Variants in RBM25 observed in about 807,000 individuals in gnomAD.
RBM25 encodes RNA-binding protein 25.
Under a neutral mutation model 120.7 loss-of-function variants are expected in RBM25, and 19 were observed. The observed-to-expected ratio is 0.16, with a 90% CI of 0.11 to 0.23. The LOEUF (loss-of-function observed/expected upper bound fraction) is 0.23. Among genes scored for constraint, RBM25 ranks in the 10% least tolerant of loss-of-function variants. The probability of loss-of-function intolerance (pLI) is 1.00; values close to 1 mark genes in which losing one functional copy is unlikely to be tolerated. For missense variants in RBM25, 605 were observed against 1,041.5 expected (o/e 0.58, Z 5.77); for synonymous variants, 390 against 326.7 (o/e 1.19, Z -2.09).
At position 73,093,152 on chromosome 14, in the gene RBM25, A is replaced by T. The variant is rs1388019783; in HGVS notation, c.544-3763A>T. ...ACCATATATTCAAGAATGAACACTG[A>T]CAAGTGCTGGAAAAACAGTTATTCT... On this transcript the variant is annotated intron_variant, in intron 6 of 18. Coordinates refer to ENST00000261973, the MANE Select transcript of RBM25 (RefSeq NM_021239.3). 7.2e-5 allele frequency among the ~76,000 whole-genome samples: 11 copies of T among 152,332 alleles called. No individual in the cohort carries two copies. In the East Asian group the frequency reaches 2.1e-3, roughly 29 times the overall value.
intron 6 of RBM25, among the ~76,000 whole-genome samples, chr14:73,093,553 C>T (rs895214121): frequency 2.6e-5 from 4 of 152,186 alleles, no homozygotes; most frequent in Admixed American, 2.0e-4. Context: ...GTCGCCCAGG[C>T]TGGAGTGCAA....
intron 4 of RBM25, among the ~76,000 whole-genome samples, chr14:73,082,864 A>G (rs1895594656): frequency 6.6e-6 from 1 of 151,682 alleles, no homozygotes; most frequent in Non-Finnish European, 1.5e-5. Context: ...GTTCAAGACC[A>G]GCCTGGCTAA....
At chr14:73,086,446 A>AC (rs1566589478) in intron 5 of RBM25, among the ~76,000 whole-genome samples, 2 of 151,866 alleles carry the variant, frequency 1.3e-5, no homozygotes, top group African/African-American at 4.8e-5. Flanking sequence ...AAAAAAAAAA[A>AC]AAAACAAAAC....
chr14:73,117,043 C>T (rs1896443506), intron 18 of RBM25, among the ~76,000 whole-genome samples: 1 of 151,878 alleles, frequency 6.6e-6, no homozygotes, highest in Non-Finnish European at 1.5e-5. Context: ...CATTTTGTGC[C>T]TACATCTCTC....
chr14:73,105,692 T>C (rs1373071920), intron 10 of RBM25, among the ~76,000 whole-genome samples, 167 bp from the exon 11 acceptor site: 1 of 152,218 alleles, frequency 6.6e-6, no homozygotes, highest in Admixed American at 6.5e-5. Flanking sequence ...GCAATTTATG[T>C]CTTTCTGATG....
In RBM25 at chr14:73,112,211, T is replaced by G. The variant is rs749552223; in HGVS notation, c.2352T>G (p.Gly784=). The G allele has an allele frequency of 6.8e-6, 11 of 1,607,054 alleles. No homozygotes were observed. The highest frequency in any genetic ancestry group is 9.3e-6 in the Non-Finnish European group (11 of 1,178,332). ...ATAAGAAAATCATAGAATATATAGG[T>G]GAAGAAGAAGCTACATTAGTTGATT... ...WINKKIIEYI[G]EEEATLVDFV... The change falls in exon 17 of 19, where the codon GGT becomes GGG. Residue 784 remains glycine (G), a synonymous_variant. Coordinates refer to ENST00000261973, the MANE Select transcript of RBM25 (RefSeq NM_021239.3).
At chr14:73,105,189 G>A (rs1896158266) in intron 10 of RBM25, among the ~76,000 whole-genome samples, 1 of 142,122 alleles carries the variant, frequency 7.0e-6, no homozygotes, top group South Asian at 2.2e-4. Flanking sequence ...GTCACTGTAA[G>A]CTCCAAGTCC....
intron 18 of RBM25, among the ~76,000 whole-genome samples, chr14:73,116,886 TA>T (rs1475293734): frequency 2.0e-5 from 3 of 152,216 alleles, no homozygotes; most frequent in Non-Finnish European, 4.4e-5. Context: ...ACAGCTCTGC[TA>T]AAAAGCTCAT....
intron 1 of RBM25, among the ~76,000 whole-genome samples, chr14:73,070,709 G>A (rs986744612): frequency 1.3e-5 from 2 of 152,126 alleles, no homozygotes; most frequent in Admixed American, 6.6e-5. Context: ...AGCGCTTTGG[G>A]AAGCTGAGTC....
intron 11 of RBM25, 40 bp downstream of exon 11, chr14:73,106,121 C>T: frequency 6.3e-7 from 1 of 1,592,080 alleles, no homozygotes; most frequent in African/African-American, 1.4e-5. Flanking sequence ...ATCTTGGTAT[C>T]CCTTAATAGG....
intron 17 of RBM25, among the ~76,000 whole-genome samples, chr14:73,113,898 A>C (rs1189971171): frequency 6.6e-6 from 1 of 152,198 alleles, no homozygotes; most frequent in East Asian, 1.9e-4. Context: ...CTGAAAACAT[A>C]GTCTTAACTT....
At chr14:73,080,638 T>G (rs1490486629) in intron 4 of RBM25, among the ~76,000 whole-genome samples, 1 of 152,192 alleles carries the variant, frequency 6.6e-6, no homozygotes, top group East Asian at 1.9e-4. Flanking sequence ...TTTGATATTA[T>G]CTGTTGACAT....
At chr14:73,098,632 C>A (rs1485200337) in intron 7 of RBM25, among the ~76,000 whole-genome samples, 1 of 151,938 alleles carries the variant, frequency 6.6e-6, no homozygotes, top group African/African-American at 2.4e-5. Context: ...TAGAACTTTT[C>A]TTTTTTGTTC....
rs561410224 is a variant in RBM25 at position 73,094,696 on chromosome 14, T to G, written c.544-2219T>G. On this transcript the variant is annotated intron_variant, in intron 6 of 18. Coordinates refer to ENST00000261973, the MANE Select transcript of RBM25 (RefSeq NM_021239.3). ...GCCGCTGCACGCGGCTGGGGAATTTTTGTATTTTTTTAGTAGAGACGGGGT... is the reference window on the plus strand; with the variant it reads ...GCCGCTGCACGCGGCTGGGGAATTTGTGTATTTTTTTAGTAGAGACGGGGT... Among the ~76,000 whole-genome samples, 56 of 152,278 alleles carry G rather than the reference T, an allele frequency of 3.7e-4. 1 individual carries two copies. In the South Asian group the frequency reaches 0.011, roughly 30 times the overall value.
rs551747042 is a variant in RBM25, at chr14:73,066,862, A to T, written c.-15-4765A>T. Among the ~76,000 whole-genome samples the T allele has an allele frequency of 2.0e-5, 3 of 152,270 alleles. No homozygotes were observed. The South Asian group carries it at 6.2e-4, about 32-fold the overall frequency. On this transcript the variant is annotated intron_variant, in intron 1 of 18. Transcript: ENST00000261973. ...AAATGTCTAGTAAACAGGTAAACGC[A>T]TACTCAACCTCATTAGTCATGAGGG... is the stretch of plus-strand genomic sequence containing the variant.
chr14:73,068,526 G>C, intron 1 of RBM25: 1 of 817,724 alleles, frequency 1.2e-6, no homozygotes, highest in South Asian at 1.3e-5. Context: ...TCCTTTAGTG[G>C]TTTTAACATT....
chr14:73,117,786 A>G (rs1430743635), intron 18 of RBM25, among the ~76,000 whole-genome samples: 3 of 152,178 alleles, frequency 2.0e-5, no homozygotes, highest in Non-Finnish European at 4.4e-5. Flanking sequence ...GTCTGACTAG[A>G]GATTGAGTAC....
chr14:73,096,430 G>A (rs962523982), intron 6 of RBM25, among the ~76,000 whole-genome samples: 1 of 152,096 alleles, frequency 6.6e-6, no homozygotes, highest in African/African-American at 2.4e-5. Context: ...CTAAACTCCC[G>A]ATTCTTGCAG....
rs1350094549 is a variant in RBM25 at position 73,106,063 on chromosome 14, A to G, written c.1359A>G (p.Lys453=). ...RRKLERKLRE[K]EAAYQERLKN... ...AACTTGAAAGAAAACTCCGAGAGAA[A>G]GAAGCTGCTTATCAAGAGGTAAGTT... The change falls in exon 11 of 19, where the codon AAA becomes AAG. Residue 453 remains lysine (K), a synonymous_variant. Coordinates refer to ENST00000261973, the MANE Select transcript of RBM25 (RefSeq NM_021239.3). 5 of 1,608,928 alleles carry G rather than the reference A, an allele frequency of 3.1e-6. No individual in the cohort carries two copies. The highest frequency in any genetic ancestry group is 1.1e-5 in the South Asian group (1 of 89,924).
Sources: allele counts gnomAD v4.1 joint callset (sites outside exome capture counted in the v4.1 genomes callset), GRCh38; gene constraint gnomAD v4.1.1; transcripts MANE v1.5; gene names NCBI Gene and HGNC (gene_info 2026-07-23, HGNC 2026-07-21).